Variants in COMMD1 observed in about 807,000 individuals in gnomAD.
The protein encoded by COMMD1 is COMM domain-containing protein 1.
COMMD1 carries 10 observed loss-of-function variants against 17.2 expected under a neutral mutation model. The observed-to-expected ratio is 0.58, with a 90% CI of 0.36 to 0.99. COMMD1 has a LOEUF of 0.99. COMMD1 is among the 50% of genes least tolerant of loss of function. COMMD1 has a pLI of 0.01. For synonymous variants in COMMD1, 97 were observed against 91.6 expected, an observed-to-expected ratio of 1.06 and a Z score of -0.34; for missense variants, 270 against 231.8, an observed-to-expected ratio of 1.17 and a Z score of -1.07.
At chr2:61,905,643 C>G, upstream of COMMD1, 1 of 1,505,644 alleles carries the variant, frequency 6.6e-7, no homozygotes, top group East Asian at 2.5e-5. Context: ...TGGCGGGGCA[C>G]GGCTCAGCTG....
At chr2:62,112,053 A>G (rs907823119) in intron 2 of COMMD1, among the ~76,000 whole-genome samples, 9 of 152,236 alleles carry the variant, frequency 5.9e-5, no homozygotes, top group African/African-American at 1.7e-4. Flanking sequence ...CAGTACATCA[A>G]CAAGTCTGCT....
intron 1 of COMMD1, among the ~76,000 whole-genome samples, chr2:62,000,366 G>GCA (rs1668894186): frequency 6.6e-6 from 1 of 150,842 alleles, no homozygotes; most frequent in Admixed American, 6.6e-5. Flanking sequence ...CCTGCCTCCC[G>GCA]GTTGAAGCGA....
chr2:62,096,844 G>T (rs1279626797), intron 2 of COMMD1, among the ~76,000 whole-genome samples: 1 of 152,206 alleles, frequency 6.6e-6, no homozygotes, highest in East Asian at 1.9e-4. Flanking sequence ...CTGCATTTTG[G>T]TAGGGAGGAT....
chr2:62,077,283 C>T (rs547356769), intron 2 of COMMD1, among the ~76,000 whole-genome samples: 1 of 152,246 alleles, frequency 6.6e-6, no homozygotes, highest in East Asian at 1.9e-4. Context: ...TAAAATTACA[C>T]ATTTATTTTG....
At chr2:61,890,605 C>G (rs976698566) in intron 1 of COMMD1, among the ~76,000 whole-genome samples, 5 of 151,982 alleles carry the variant, frequency 3.3e-5, no homozygotes, top group Non-Finnish European at 1.5e-5. Flanking sequence ...CTTTGGGAGG[C>G]CGAGGTGGGT....
chr2:61,941,038 C>A (rs533185332), intron 1 of COMMD1, among the ~76,000 whole-genome samples: 3 of 117,908 alleles, frequency 2.5e-5, no homozygotes, highest in African/African-American at 5.6e-5. Context: ...TTGTTAATAA[C>A]CCCCCCTTTT....
chr2:62,034,216 C>T (rs115016951), intron 2 of COMMD1, among the ~76,000 whole-genome samples: 1,833 of 151,646 alleles, frequency 0.012, 41 homozygotes, highest in African/African-American at 0.043. Flanking sequence ...TTAATAGTCA[C>T]ACTTGGCCGG....
intron 1 of COMMD1, among the ~76,000 whole-genome samples, chr2:61,954,151 A>G (rs894815333): frequency 2.2e-4 from 33 of 152,068 alleles, no homozygotes; most frequent in African/African-American, 7.7e-4. Flanking sequence ...AGAGGTTGCA[A>G]TGAGCCGAGA....
In COMMD1 at chr2:62,117,039, A is replaced by G. The variant is rs116824547; in HGVS notation, c.463-18792A>G. On this transcript the variant is annotated intron_variant, in intron 2 of 2. Coordinates refer to ENST00000311832, the MANE Select transcript of COMMD1 (RefSeq NM_152516.4). ...AATGACAAAGATGAACCTTGCCTAC[A>G]GTTCTGCTGCTGATGGTAATAAGTA... Among the ~76,000 whole-genome samples, 699 of 151,036 alleles carry G rather than the reference A, an allele frequency of 4.6e-3. 4 individuals carry two copies. Among genetic ancestry groups the G allele is most frequent in the African/African-American group, 0.016 (665 of 41,194 alleles).
At chr2:62,065,264 A>G (rs771383879) in intron 2 of COMMD1, among the ~76,000 whole-genome samples, 37 of 151,782 alleles carry the variant, frequency 2.4e-4, no homozygotes, top group Non-Finnish European at 4.9e-4. Flanking sequence ...TTCAGAACAT[A>G]TGAACAAAAC....
intron 1 of COMMD1, among the ~76,000 whole-genome samples, chr2:61,897,210 A>G (rs1669567807): frequency 6.6e-6 from 1 of 152,138 alleles, no homozygotes; most frequent in South Asian, 2.1e-4. Flanking sequence ...ATGAATTCTT[A>G]TCTTCCTGGT....
chr2:61,975,045 T>A (rs116312620), intron 1 of COMMD1, among the ~76,000 whole-genome samples: 1,660 of 151,836 alleles, frequency 0.011, 33 homozygotes, highest in African/African-American at 0.038. Flanking sequence ...CTTTTTAGAA[T>A]GGCTTCTTTC....
intron 2 of COMMD1, among the ~76,000 whole-genome samples, chr2:62,043,613 C>CT (rs1398835404): frequency 6.6e-6 from 1 of 152,200 alleles, no homozygotes; most frequent in African/African-American, 2.4e-5. Context: ...ATTTGCCTAA[C>CT]TGATTCTCTC....
At chr2:61,979,908 C>T (rs1671911542) in intron 1 of COMMD1, among the ~76,000 whole-genome samples, 1 of 114,814 alleles carries the variant, frequency 8.7e-6, no homozygotes, top group Non-Finnish European at 1.8e-5. Context: ...CTCCCCCGAC[C>T]CCACCACAGT....
intron 2 of COMMD1, chr2:62,090,849 CACCT>C (rs1360855081): frequency 2.0e-5 from 3 of 152,180 alleles, no homozygotes; most frequent in Non-Finnish European, 4.4e-5. Flanking sequence ...TAAAATAGCC[CACCT>C]ATTTCCCAGG....
chr2:62,009,242 T>C (rs886732753), intron 2 of COMMD1, among the ~76,000 whole-genome samples: 2 of 152,336 alleles, frequency 1.3e-5, no homozygotes, highest in Non-Finnish European at 2.9e-5. Context: ...AAAGTTATGG[T>C]CTTCAACTTA....
At chr2:62,132,400 A>T (rs1208546085) in intron 2 of COMMD1, among the ~76,000 whole-genome samples, 1 of 152,226 alleles carries the variant, frequency 6.6e-6, no homozygotes, top group Non-Finnish European at 1.5e-5. Context: ...TTCTTTGCCT[A>T]CATAGAAAAC....
At chr2:61,960,111 A>AT (rs1332530386) in intron 1 of COMMD1, among the ~76,000 whole-genome samples, 2 of 140,660 alleles carry the variant, frequency 1.4e-5, no homozygotes, top group Non-Finnish European at 3.0e-5. Flanking sequence ...GATTTGGAAT[A>AT]TATGTGTGTG....
chr2:61,919,950 G>A (rs1670145635), intron 1 of COMMD1, among the ~76,000 whole-genome samples: 1 of 151,814 alleles, frequency 6.6e-6, no homozygotes, highest in South Asian at 2.1e-4. Context: ...AACATAGGGA[G>A]CCCCTGTCTC....
Sources: allele counts gnomAD v4.1 joint callset (sites outside exome capture counted in the v4.1 genomes callset), GRCh38; gene constraint gnomAD v4.1.1; transcripts MANE v1.5; gene names NCBI Gene and HGNC (gene_info 2026-07-23, HGNC 2026-07-21).